KIF5B: variants seen among roughly 807,000 people sequenced by gnomAD.
KIF5B encodes the protein kinesin-1 heavy chain.
A neutral mutation model predicts 132.8 loss-of-function variants in KIF5B; 49 were observed. The observed-to-expected ratio is 0.37, with a 90% CI of 0.29 to 0.47. KIF5B has a LOEUF of 0.47. Among genes scored for constraint, KIF5B ranks in the 20% least tolerant of loss-of-function variants. The probability of loss-of-function intolerance (pLI) is 1.00; values close to 1 mark genes in which losing one functional copy is unlikely to be tolerated. For missense variants in KIF5B, 780 were observed against 1,144.0 expected, an observed-to-expected ratio of 0.68 and a Z score of 4.59; for synonymous variants, 355 against 369.4, an observed-to-expected ratio of 0.96 and a Z score of 0.45.
intron 15 of KIF5B, among the ~76,000 whole-genome samples, chr10:32,024,272 A>G (rs1841306152): frequency 1.5e-5 from 2 of 137,744 alleles, no homozygotes; most frequent in Admixed American, 7.6e-5. Flanking sequence ...CTCCTGCCTC[A>G]GCCTCCCAAG....
chr10:32,024,738 C>T (rs561488864), intron 15 of KIF5B, among the ~76,000 whole-genome samples: 75 of 151,912 alleles, frequency 4.9e-4, no homozygotes, highest in African/African-American at 1.7e-3. Flanking sequence ...GCACTCCAAC[C>T]TAGGCGACAG....
intron 12 of KIF5B, among the ~76,000 whole-genome samples, chr10:32,033,210 C>G (rs149892292): frequency 1.6e-3 from 244 of 152,234 alleles, no homozygotes; most frequent in Non-Finnish European, 2.5e-3. Context: ...CTTCAGAGCC[C>G]TGATTCTAAC....
chr10:32,016,369 T>C (rs1392660687), intron 24 of KIF5B, among the ~76,000 whole-genome samples: 1 of 151,656 alleles, frequency 6.6e-6, no homozygotes, highest in Non-Finnish European at 1.5e-5. Context: ...GGCAGGAGAA[T>C]CGCTTGAACC....
intron 15 of KIF5B, among the ~76,000 whole-genome samples, chr10:32,025,766 T>C (rs1841326289): frequency 6.6e-6 from 1 of 152,228 alleles, no homozygotes. Context: ...CCATGGTACA[T>C]TCATATCATG....
chr10:32,044,127 TCCC>T (rs1841578072), intron 2 of KIF5B, among the ~76,000 whole-genome samples: 1 of 152,158 alleles, frequency 6.6e-6, no homozygotes, highest in Non-Finnish European at 1.5e-5. Flanking sequence ...CCAGGACAAG[TCCC>T]ACCAGCTACT....
intron 1 of KIF5B, among the ~76,000 whole-genome samples, chr10:32,049,881 G>A (rs1051072165): frequency 2.0e-5 from 3 of 152,168 alleles, no homozygotes; most frequent in African/African-American, 7.2e-5. Context: ...GAAAAAGAAT[G>A]GGAGGTAACC....
intron 25 of KIF5B, among the ~76,000 whole-genome samples, chr10:32,012,971 G>A (rs211393): frequency 0.1 from 14,979 of 149,982 alleles, 849 homozygotes; most frequent in Non-Finnish European, 0.12. Flanking sequence ...CCACGATCTC[G>A]GATCACTGCA....
rs115295440 is a variant in KIF5B at position 32,026,057 on chromosome 10, C to A, written c.1725+2371G>T. 5.3e-3 allele frequency among the ~76,000 whole-genome samples: 808 copies of A among 152,298 alleles called. 5 individuals carry two copies. The highest frequency in any genetic ancestry group is 0.018 in the African/African-American group (763 of 41,554). ...AATACCGGACCTATAATATTATGCACTCCTTAAAATCCACACAACTATAGA... is the reference window on the plus strand; with the variant it reads ...AATACCGGACCTATAATATTATGCAATCCTTAAAATCCACACAACTATAGA... On this transcript the variant is annotated intron_variant, in intron 15 of 25. Transcript: ENST00000302418.
intron 20 of KIF5B, 82 bp from the exon 21 acceptor site, chr10:32,018,644 G>T: frequency 2.0e-6 from 2 of 1,010,154 alleles, no homozygotes; most frequent in Non-Finnish European, 3.0e-6. Context: ...AAAATATTTT[G>T]TGTCTGAAAG....
At chr10:32,015,690 A>T (rs1242023893) in intron 24 of KIF5B, 31 bp from the exon 25 acceptor site, 1 of 1,577,452 alleles carries the variant, frequency 6.3e-7, no homozygotes, top group Non-Finnish European at 8.7e-7. Context: ...AGACTTTAGA[A>T]TAAAGTTTAA....
intron 1 of KIF5B, 31 bp downstream of exon 1, chr10:32,055,817 G>C (rs1025988110): frequency 1.1e-5 from 17 of 1,607,948 alleles, no homozygotes; most frequent in Admixed American, 1.7e-5. Context: ...CCGAAGAAGC[G>C]GGAGGAGGGA....
intron 8 of KIF5B, among the ~76,000 whole-genome samples, chr10:32,036,988 T>C (rs899666567): frequency 5.1e-5 from 5 of 97,812 alleles, no homozygotes; most frequent in African/African-American, 1.7e-4. Flanking sequence ...TATAACAACA[T>C]ATGCTGAACC....
rs71027049 is a variant in KIF5B at position 32,026,437 on chromosome 10, C to CAAAAAAAAAAAA, written c.1725+1979_1725+1990dup. On this transcript the variant is annotated intron_variant, in intron 15 of 25. Transcript: ENST00000302418. The stretch of plus-strand genomic sequence containing the variant: ...TGGGAGACACAGTGAGATTCCGTCT[C>CAAAAAAAAAAAA]AAAAAAAAAAAAAAAAAAAAAAAAG... Among the ~76,000 whole-genome samples the CAAAAAAAAAAAA allele has an allele frequency of 4.1e-4, 20 of 48,928 alleles. 1 individual carries two copies. The highest frequency in any genetic ancestry group is 8.3e-4 in the East Asian group (1 of 1,202). The allele number at this position is 48,928 out of a possible 152,430, so 32.1% of individuals were successfully genotyped here.
intron 12 of KIF5B, among the ~76,000 whole-genome samples, chr10:32,033,266 T>C (rs1473575832): frequency 6.6e-6 from 1 of 152,132 alleles, no homozygotes; most frequent in Non-Finnish European, 1.5e-5. Context: ...CAAATTTTCA[T>C]TAGAACAGGG....
rs779678114 is a variant in KIF5B at position 32,034,841 on chromosome 10, A to G, written c.963-3T>C. The G allele has an allele frequency of 8.9e-6, 14 of 1,569,508 alleles. No individual in the cohort carries two copies. Among genetic ancestry groups the G allele is most frequent in the African/African-American group, 6.9e-5 (5 of 72,054 alleles). ...CTGTGTTCTTAATTGTTTTGGCCCT[A>G]AGAGATGTAATTGGAGGAAAAAAAG... On this transcript the variant is annotated splice_polypyrimidine_tract_variant and splice_region_variant and intron_variant, in intron 10 of 25. Coordinates refer to ENST00000302418, the MANE Select transcript of KIF5B (RefSeq NM_004521.3).
At position 32,037,348 on chromosome 10, in the gene KIF5B, CTG is replaced by C. The variant is rs1841474436; in HGVS notation, c.615_616del (p.His205GlnfsTer6). 6.2e-7 allele frequency: 1 copy of C among 1,612,898 alleles called. No homozygotes were observed. Among genetic ancestry groups the C allele is most frequent in the Non-Finnish European group, 8.5e-7 (1 of 1,179,088 alleles). On this transcript the variant is annotated frameshift_variant, in exon 8 of 26. Coordinates refer to ENST00000302418, the MANE Select transcript of KIF5B (RefSeq NM_004521.3). LOFTEE classifies it high-confidence loss of function. ...TTGTTTGACATTAATAAGAAATATACTGTGACTCCTAGAGCTATGTTCATTCA... is the reference window on the plus strand; with the variant it reads ...TTGTTTGACATTAATAAGAAATATACTGACTCCTAGAGCTATGTTCATTCA...
chr10:32,028,617 A>C (rs1841362291), intron 14 of KIF5B, 46 bp from the exon 15 acceptor site: 1 of 1,527,666 alleles, frequency 6.5e-7, no homozygotes, highest in Admixed American at 1.9e-5. Context: ...TACTACATGA[A>C]AATTCAAATC....
At chr10:32,054,355 T>C (rs1841728051) in intron 1 of KIF5B, among the ~76,000 whole-genome samples, 1 of 152,226 alleles carries the variant, frequency 6.6e-6, no homozygotes. Flanking sequence ...CACGAGTTTT[T>C]CTAGTGGACT....
chr10:32,021,739 A>C (rs533563790), intron 17 of KIF5B, among the ~76,000 whole-genome samples: 1 of 152,196 alleles, frequency 6.6e-6, no homozygotes, highest in South Asian at 2.1e-4. Context: ...TTGGGAGGCC[A>C]AGGCAGGCAG....
Sources: gnomAD v4.1 joint callset for allele counts (sites outside exome capture counted in the v4.1 genomes callset) on GRCh38, gnomAD v4.1.1 for gene constraint, MANE v1.5 for transcripts, NCBI Gene and HGNC (gene_info 2026-07-23, HGNC 2026-07-21) for gene names.